CCDC141: variants seen among roughly 807,000 people sequenced by gnomAD.
The protein encoded by CCDC141 is coiled-coil domain-containing protein 141.
In CCDC141, 168 loss-of-function variants were observed where a neutral mutation model predicts 181.0. The observed-to-expected ratio is 0.93, with a 90% CI of 0.82 to 1.05. CCDC141 has a LOEUF of 1.05. Ranked by LOEUF, CCDC141 falls within the 50% of genes least tolerant of loss-of-function variation. The pLI is 0.00. For synonymous variants in CCDC141, 666 were observed against 642.3 expected (o/e 1.04, Z -0.56); for missense variants, 1,902 against 1,788.5 (o/e 1.06, Z -1.14).
At chr2:178,865,177 T>C (rs1685791230) in intron 17 of CCDC141, among the ~76,000 whole-genome samples, 1 of 152,228 alleles carries the variant, frequency 6.6e-6, no homozygotes, top group Admixed American at 6.5e-5. Flanking sequence ...TTTGATCTGT[T>C]ATTTCTTTTT....
At chr2:178,864,387 T>G (rs1289410435) in intron 17 of CCDC141, among the ~76,000 whole-genome samples, 1 of 152,188 alleles carries the variant, frequency 6.6e-6, no homozygotes, top group African/African-American at 2.4e-5. Flanking sequence ...CAAGATGTGA[T>G]TGACGTGTAA....
At chr2:178,824,662 G>GACC in the CCDC141 span, among the ~76,000 whole-genome samples, 2 of 146,972 alleles carry the variant, frequency 1.4e-5, no homozygotes. Context: ...TGCAACTGAG[G>GACC]ACCAGCCCCT....
chr2:179,018,487 A>T (rs532159295), intron 2 of CCDC141, among the ~76,000 whole-genome samples: 1 of 152,274 alleles, frequency 6.6e-6, no homozygotes, highest in East Asian at 1.9e-4. Context: ...GTCTCTTTCA[A>T]ATAATGTCAC....
intron 7 of CCDC141, 109 bp from the exon 8 acceptor site, chr2:178,905,610 A>G (rs1687929044): frequency 9.7e-7 from 1 of 1,026,664 alleles, no homozygotes; most frequent in East Asian, 2.7e-5. Context: ...TGTTAGTTTC[A>G]TTATAACAAA....
chr2:178,977,759 G>A (rs1194573577), intron 3 of CCDC141, among the ~76,000 whole-genome samples: 3 of 152,048 alleles, frequency 2.0e-5, no homozygotes, highest in East Asian at 3.8e-4. Context: ...CAAAATGAAT[G>A]GGCTGCCACC....
At chr2:178,885,222 A>G (rs1575169110) in intron 10 of CCDC141, 130 bp from the exon 11 acceptor site, 2 of 521,570 alleles carry the variant, frequency 3.8e-6, no homozygotes, top group East Asian at 3.1e-5. Flanking sequence ...CTCAATAAAG[A>G]AAGACACAAC....
chr2:178,850,703 A>AG (rs1185980202), intron 20 of CCDC141, among the ~76,000 whole-genome samples: 1 of 152,174 alleles, frequency 6.6e-6, no homozygotes, highest in East Asian at 1.9e-4. Flanking sequence ...CTACTCTTTA[A>AG]GGTCCACCTG....
chr2:178,834,589 G>A, intron 23 of CCDC141, 149 bp from the exon 24 acceptor site: 1 of 871,802 alleles, frequency 1.1e-6, no homozygotes, highest in Non-Finnish European at 1.7e-6. Flanking sequence ...ATTCCAGTGG[G>A]GCTCTTTATC....
At chr2:178,925,842 T>A (rs1278807651) in intron 6 of CCDC141, among the ~76,000 whole-genome samples, 2 of 152,178 alleles carry the variant, frequency 1.3e-5, no homozygotes, top group Non-Finnish European at 2.9e-5. Context: ...GAGGACTTAC[T>A]TTTTCATTGT....
intron 8 of CCDC141, among the ~76,000 whole-genome samples, chr2:178,892,481 T>C (rs962518824): frequency 6.6e-6 from 1 of 152,138 alleles, no homozygotes; most frequent in Admixed American, 6.6e-5. Flanking sequence ...AATATATCCA[T>C]CACATTCCCA....
At position 178,905,449 on chromosome 2, in the gene CCDC141, T is replaced by C; in HGVS notation, c.1145A>G (p.Glu382Gly). The change falls in exon 8 of 24, where the codon GAG (glutamate) becomes GGG (glycine). Residue 382 changes from glutamate (E) to glycine (G), a missense_variant. Physicochemically the swap from Glu to Gly is moderately conservative, Grantham distance 98. Coordinates refer to ENST00000443758, the MANE Select transcript of CCDC141 (RefSeq NM_173648.4). ...TGCCAAAACAGCCAGACTTAAACCC[T>C]CTGATTTAAGGAGCTTAAGGTAAGC... Reference protein sequence around the residue: ...VEAYLKLLKSEGLSLAVLAVR... With the variant: ...VEAYLKLLKSGGLSLAVLAVR... The C allele has an allele frequency of 6.4e-7, 1 of 1,550,934 alleles. No individual in the cohort carries two copies. Among genetic ancestry groups the C allele is most frequent in the South Asian group, 1.2e-5 (1 of 84,044 alleles).
intron 7 of CCDC141, among the ~76,000 whole-genome samples, chr2:178,917,893 G>A (rs143929775): frequency 6.6e-6 from 1 of 152,188 alleles, no homozygotes; most frequent in Non-Finnish European, 1.5e-5. Context: ...ATCAGGCTAA[G>A]GCACTGTTTC....
intron 11 of CCDC141, among the ~76,000 whole-genome samples, chr2:178,880,649 G>C (rs1454703134): frequency 6.6e-6 from 1 of 152,184 alleles, no homozygotes; most frequent in Admixed American, 6.5e-5. Context: ...GCTAGTGCTT[G>C]ATCCTGCACA....
intron 11 of CCDC141, among the ~76,000 whole-genome samples, chr2:178,880,087 C>T (rs1418766044): frequency 6.6e-6 from 1 of 152,154 alleles, no homozygotes; most frequent in African/African-American, 2.4e-5. Flanking sequence ...ATAAGATCAT[C>T]CATTATAGGC....
chr2:179,027,702 T>A (rs2042892060), intron 2 of CCDC141, among the ~76,000 whole-genome samples: 1 of 143,968 alleles, frequency 6.9e-6, no homozygotes, highest in Non-Finnish European at 1.5e-5. Flanking sequence ...ACAAGCTCTC[T>A]CTCTGTCTGC....
intron 22 of CCDC141, among the ~76,000 whole-genome samples, chr2:178,844,566 C>T (rs1004151885): frequency 6.6e-6 from 1 of 152,134 alleles, no homozygotes; most frequent in Non-Finnish European, 1.5e-5. Flanking sequence ...GGGTTTAAGT[C>T]GCTCAAGACC....
intron 2 of CCDC141, among the ~76,000 whole-genome samples, chr2:179,010,557 G>A (rs565610753): frequency 6.6e-5 from 10 of 152,126 alleles, no homozygotes; most frequent in South Asian, 4.2e-4. Flanking sequence ...CCTAAGCCTC[G>A]TATATGAAGG....
chr2:178,968,014 A>T (rs1690714438), intron 4 of CCDC141, among the ~76,000 whole-genome samples: 1 of 152,202 alleles, frequency 6.6e-6, no homozygotes, highest in Non-Finnish European at 1.5e-5. Context: ...TGGTAAAGGG[A>T]CCAATGCAGC....
At chr2:179,045,286 G>T (rs2043457257) in intron 2 of CCDC141, among the ~76,000 whole-genome samples, 1 of 135,962 alleles carries the variant, frequency 7.4e-6, no homozygotes, top group Admixed American at 7.7e-5. Context: ...TCTTGCCATA[G>T]TTTACTGAGA....
Sources: allele counts gnomAD v4.1 joint callset (sites outside exome capture counted in the v4.1 genomes callset), GRCh38; gene constraint gnomAD v4.1.1; transcripts MANE v1.5; gene names NCBI Gene and HGNC (gene_info 2026-07-23, HGNC 2026-07-21).